CLASP2: variants seen among roughly 807,000 people sequenced by gnomAD.
CLASP2 encodes cytoplasmic linker associated protein 2.
A neutral mutation model predicts 194.4 loss-of-function variants in CLASP2; 47 were observed. The observed-to-expected ratio is 0.24, with a 90% CI of 0.19 to 0.31. The LOEUF (loss-of-function observed/expected upper bound fraction) is 0.31. Ranked by LOEUF, CLASP2 falls within the 10% of genes least tolerant of loss-of-function variation. The pLI is 1.00. For missense variants in CLASP2, 1,445 were observed against 1,823.6 expected, an observed-to-expected ratio of 0.79 and a Z score of 3.78; for synonymous variants, 619 against 633.5, an observed-to-expected ratio of 0.98 and a Z score of 0.34.
At position 33,684,487 on chromosome 3, in the gene CLASP2, C is replaced by T. The variant is rs745588022; in HGVS notation, c.547-31G>A. On this transcript the variant is annotated intron_variant, in intron 5 of 38. Transcript: ENST00000682230. ...AAAGAATTCAGAACTTTTTAATAAA[C>T]TTATATATGATACAATAAAATACTT... 7.2e-6 allele frequency: 10 copies of T among 1,389,944 alleles called. No homozygotes were observed. The South Asian group carries it at 1.3e-4, about 18-fold the overall frequency. 86.1% of individuals were successfully genotyped at this position (1,389,944 alleles called of 1,614,324 possible). A position where few individuals can be genotyped will look rare whatever the true frequency, so the allele number is the denominator to read the frequency against.
At chr3:33,517,462 C>A (rs1026378090) in intron 34 of CLASP2, among the ~76,000 whole-genome samples, 1 of 152,168 alleles carries the variant, frequency 6.6e-6, no homozygotes, top group East Asian at 1.9e-4. Flanking sequence ...ACCATTCTTA[C>A]GTCATCTTTG....
intron 9 of CLASP2, among the ~76,000 whole-genome samples, chr3:33,627,634 T>C (rs948236185): frequency 1.1e-4 from 17 of 152,164 alleles, no homozygotes; most frequent in Admixed American, 9.8e-4. Context: ...GGAGAAACTA[T>C]GGTTAGCCAA....
chr3:33,558,913 G>A (rs2061372579), intron 29 of CLASP2: 1 of 226,826 alleles, frequency 4.4e-6, no homozygotes, highest in African/African-American at 2.3e-5. Flanking sequence ...ACCAGCTTAG[G>A]GTTAGATGGC....
rs777152959 is a variant in CLASP2 at position 33,543,502 on chromosome 3, C to G, written c.3335G>C (p.Arg1112Pro). The G allele has an allele frequency of 2.5e-6, 4 of 1,613,286 alleles. No individual in the cohort carries two copies. In the South Asian group the frequency reaches 4.4e-5, roughly 18 times the overall value. The stretch of plus-strand genomic sequence containing the variant: ...AGGACTGGACCAGTTAGCTGGTGAT[C>G]GTGGTGTTGGTCTTGTCAAAGGACT... ...MGSPLTRPTP[R>P]SPANWSSPLT... Residue 1112 changes from arginine (R) to proline (P), a missense_variant, in exon 32 of 39, where the codon CGA becomes CCA. Physicochemically the swap from Arg to Pro is moderately radical, Grantham distance 103. This residue lies in a region of CLASP2 where 732 missense variants were observed against 987.9 expected (regional missense o/e 0.74). Coordinates refer to ENST00000682230, the MANE Select transcript of CLASP2 (RefSeq NM_001365631.1).
intron 31 of CLASP2, among the ~76,000 whole-genome samples, chr3:33,544,340 A>C (rs1223987259): frequency 6.6e-6 from 1 of 152,198 alleles, no homozygotes; most frequent in Non-Finnish European, 1.5e-5. Context: ...ACCCTGGAAT[A>C]AGTCATCCTT....
intron 1 of CLASP2, among the ~76,000 whole-genome samples, chr3:33,713,306 G>C (rs2093126253): frequency 1.3e-5 from 2 of 152,084 alleles, no homozygotes; most frequent in Non-Finnish European, 2.9e-5. Flanking sequence ...TAATTAAAAG[G>C]GGCACTGACT....
intron 11 of CLASP2, among the ~76,000 whole-genome samples, chr3:33,621,500 A>T (rs1357174866): frequency 6.6e-6 from 1 of 152,172 alleles, no homozygotes; most frequent in African/African-American, 2.4e-5. Context: ...TAGTTATATC[A>T]TCTGTTAATA....
At chr3:33,525,992 T>C (rs2054442379) in intron 34 of CLASP2, among the ~76,000 whole-genome samples, 2 of 152,030 alleles carry the variant, frequency 1.3e-5, no homozygotes, top group South Asian at 2.1e-4. Flanking sequence ...TCCGGCTTTA[T>C]AGAGTTTGAT....
At chr3:33,658,147 C>T (rs1002417665) in intron 7 of CLASP2, among the ~76,000 whole-genome samples, 7 of 152,158 alleles carry the variant, frequency 4.6e-5, no homozygotes, top group Admixed American at 1.3e-4. Context: ...AAATACCAAA[C>T]ACACATTTGG....
At chr3:33,666,425 T>A (rs1034643487) in intron 6 of CLASP2, among the ~76,000 whole-genome samples, 1 of 152,242 alleles carries the variant, frequency 6.6e-6, no homozygotes, top group Non-Finnish European at 1.5e-5. Flanking sequence ...ATATCTAGCC[T>A]ATGAGTTGCC....
intron 11 of CLASP2, 52 bp from the exon 12 acceptor site, chr3:33,619,790 TA>T: frequency 7.3e-7 from 1 of 1,370,456 alleles, no homozygotes; most frequent in Non-Finnish European, 9.7e-7. Context: ...TAAATATAGA[TA>T]GAACCATATA....
intron 5 of CLASP2, among the ~76,000 whole-genome samples, chr3:33,686,723 A>G (rs1198537143): frequency 6.6e-6 from 1 of 152,192 alleles, no homozygotes; most frequent in Non-Finnish European, 1.5e-5. Context: ...TTCAGCAATA[A>G]CCAAAGGAAG....
intron 30 of CLASP2, among the ~76,000 whole-genome samples, chr3:33,545,588 G>C (rs1034678511): frequency 1.3e-5 from 2 of 152,138 alleles, no homozygotes; most frequent in Non-Finnish European, 2.9e-5. Context: ...TAGAAATTGA[G>C]AAAGGTCTAT....
chr3:33,621,996 A>G (rs1240191642), intron 11 of CLASP2, 139 bp downstream of exon 11: 1 of 560,618 alleles, frequency 1.8e-6, no homozygotes, highest in Non-Finnish European at 2.8e-6. Context: ...TACAGATTGA[A>G]TCCTTATGTA....
intron 24 of CLASP2, among the ~76,000 whole-genome samples, chr3:33,574,929 C>G (rs1295492749): frequency 6.6e-6 from 1 of 152,064 alleles, no homozygotes; most frequent in Non-Finnish European, 1.5e-5. Flanking sequence ...AAACTTTAGC[C>G]TTGGTAGTTA....
chr3:33,592,550 A>G (rs773487720), intron 20 of CLASP2, 54 bp from the exon 21 acceptor site: 3 of 1,354,520 alleles, frequency 2.2e-6, no homozygotes, highest in Non-Finnish European at 3.1e-6. Context: ...ATAATGTTTA[A>G]TAATGAGAGG....
At chr3:33,674,467 C>G (rs1403147822) in intron 6 of CLASP2, among the ~76,000 whole-genome samples, 1 of 149,614 alleles carries the variant, frequency 6.7e-6, no homozygotes, top group Non-Finnish European at 1.5e-5. Flanking sequence ...AATATAAATG[C>G]CCACGAGAGA....
chr3:33,534,788 C>G (rs576637320), intron 34 of CLASP2, among the ~76,000 whole-genome samples: 1 of 152,194 alleles, frequency 6.6e-6, no homozygotes, highest in South Asian at 2.1e-4. Flanking sequence ...AAATTCAAAT[C>G]CTAATGGTAA....
At chr3:33,686,738 C>T (rs2090724825) in intron 5 of CLASP2, among the ~76,000 whole-genome samples, 1 of 152,188 alleles carries the variant, frequency 6.6e-6, no homozygotes, top group African/African-American at 2.4e-5. Context: ...AGGAAGCTGA[C>T]AATCTGTGCC....
Sources: gnomAD v4.1 joint callset for allele counts (sites outside exome capture counted in the v4.1 genomes callset) on GRCh38, gnomAD v4.1.1 for gene constraint, gnomAD v4.1.1 regional missense constraint, MANE v1.5 for transcripts, NCBI Gene and HGNC (gene_info 2026-07-23, HGNC 2026-07-21) for gene names.